ZNF385D: variants seen among roughly 807,000 people sequenced by gnomAD.
The protein encoded by ZNF385D is zinc finger protein 659.
In ZNF385D, 15 loss-of-function variants were observed where a neutral mutation model predicts 35.8. The observed-to-expected ratio is 0.42, with a 90% CI of 0.28 to 0.64. The LOEUF (loss-of-function observed/expected upper bound fraction) is 0.64, where lower values mean the gene tolerates loss of function less well. Ranked by LOEUF, ZNF385D falls within the 30% of genes least tolerant of loss-of-function variation. The pLI is 0.23. For missense variants in ZNF385D, 474 were observed against 494.6 expected (o/e 0.96, Z 0.39); for synonymous variants, 212 against 186.8 (o/e 1.13, Z -1.10).
intron 1 of ZNF385D, among the ~76,000 whole-genome samples, chr3:21,715,279 A>G (rs555270113): frequency 6.6e-6 from 1 of 152,096 alleles, no homozygotes; most frequent in African/African-American, 2.4e-5. Context: ...ATTGTCTATC[A>G]TTCCACTCTC....
intron 1 of ZNF385D, among the ~76,000 whole-genome samples, chr3:21,695,879 T>G (rs924309816): frequency 1.3e-5 from 2 of 152,124 alleles, no homozygotes; most frequent in African/African-American, 4.8e-5. Context: ...ATAAGAATGG[T>G]ATTTAATTCT....
At chr3:21,954,941 C>T (rs1702219637) in intron 3 of ZNF385D, among the ~76,000 whole-genome samples, 1 of 152,100 alleles carries the variant, frequency 6.6e-6, no homozygotes, top group African/African-American at 2.4e-5. Context: ...AGCAAGCAGC[C>T]TGCAAGGCTG....
intron 2 of ZNF385D, among the ~76,000 whole-genome samples, chr3:22,196,508 T>A (rs978855855): frequency 6.6e-6 from 1 of 152,080 alleles, no homozygotes; most frequent in Non-Finnish European, 1.5e-5. Context: ...GACTGAACTA[T>A]TTTGTTTTTA....
chr3:22,285,958 C>T (rs569379722), intron 2 of ZNF385D, among the ~76,000 whole-genome samples: 1 of 152,040 alleles, frequency 6.6e-6, no homozygotes, highest in Non-Finnish European at 1.5e-5. Context: ...ACCTGGTCAC[C>T]TAGGAGTCAA....
At chr3:21,779,162 G>C (rs1229981757) in intron 3 of ZNF385D, among the ~76,000 whole-genome samples, 1 of 151,898 alleles carries the variant, frequency 6.6e-6, no homozygotes, top group African/African-American at 2.4e-5. Context: ...TACTTTCTCA[G>C]CTCCAAAGAC....
chr3:21,780,920 T>C (rs943052937), intron 3 of ZNF385D, among the ~76,000 whole-genome samples: 1 of 152,080 alleles, frequency 6.6e-6, no homozygotes, highest in Non-Finnish European at 1.5e-5. Context: ...GAGGACACGA[T>C]GTGGGCAGGT....
At chr3:22,150,415 G>C (rs1178319413) in intron 3 of ZNF385D, among the ~76,000 whole-genome samples, 6 of 151,722 alleles carry the variant, frequency 4.0e-5, no homozygotes, top group Admixed American at 4.0e-4. Context: ...AAGAAACAAA[G>C]TGTTAGATGC....
chr3:21,459,614 C>CA (rs1159768704), intron 4 of ZNF385D, among the ~76,000 whole-genome samples: 1 of 152,198 alleles, frequency 6.6e-6, no homozygotes, highest in Middle Eastern at 3.2e-3. Flanking sequence ...GCTCTACCCT[C>CA]AATCAGTTCT....
At chr3:22,177,892 T>G (rs1694944469) in intron 2 of ZNF385D, among the ~76,000 whole-genome samples, 1 of 152,194 alleles carries the variant, frequency 6.6e-6, no homozygotes, top group Non-Finnish European at 1.5e-5. Flanking sequence ...CTTCATCCAA[T>G]GTCCCTACAA....
At chr3:22,362,136 G>C (rs1696437938) in intron 2 of ZNF385D, among the ~76,000 whole-genome samples, 1 of 151,400 alleles carries the variant, frequency 6.6e-6, no homozygotes, top group Non-Finnish European at 1.5e-5. Context: ...TTTTGTTAAG[G>C]GCAACTTTTT....
In ZNF385D at chr3:22,123,525, T is replaced by G. The variant is rs113464922; in HGVS notation, c.325+45292A>C. ...TTACAAACTTTCCAATTGTACTCCC[T>G]CAGCTATTCTAAAATGTATATAAAA... On this transcript the variant is annotated intron_variant, in intron 3 of 5. Transcript: ENST00000494108. Among the ~76,000 whole-genome samples, 390 of 152,282 alleles carry G rather than the reference T, an allele frequency of 2.6e-3. 2 individuals are homozygous for G. The highest frequency in any genetic ancestry group is 9.2e-3 in the African/African-American group (381 of 41,568).
At chr3:21,694,605 CAG>C (rs1249422931) in intron 1 of ZNF385D, among the ~76,000 whole-genome samples, 1 of 152,140 alleles carries the variant, frequency 6.6e-6, no homozygotes, top group African/African-American at 2.4e-5. Flanking sequence ...AAAGAGAAAT[CAG>C]AATTATGGTG....
intron 2 of ZNF385D, among the ~76,000 whole-genome samples, chr3:22,169,742 A>C (rs1422769984): frequency 6.6e-6 from 1 of 152,188 alleles, no homozygotes; most frequent in African/African-American, 2.4e-5. Flanking sequence ...TTGTATACTA[A>C]AACCAAAGAG....
At chr3:21,983,627 G>A (rs1440235608) in intron 3 of ZNF385D, among the ~76,000 whole-genome samples, 139 of 131,162 alleles carry the variant, frequency 1.1e-3, no homozygotes, top group Middle Eastern at 4.0e-3. Flanking sequence ...ATAAACATAC[G>A]TGTGCATGTG....
In ZNF385D at chr3:22,300,192, T is replaced by C. The variant is rs369130170; in HGVS notation, c.106+72258A>G. Among the ~76,000 whole-genome samples the C allele has an allele frequency of 3.3e-5, 5 of 151,876 alleles. No homozygotes were observed. In the East Asian group the frequency reaches 7.7e-4, roughly 23 times the overall value. On this transcript the variant is annotated intron_variant, in intron 2 of 5. Transcript: ENST00000494108. Reference sequence around the variant, plus strand: ...GATTTTTGACAAAATGTACCAAGAATGTACAATGGGGAAAGAACAGTCTCA... The same window carrying C: ...GATTTTTGACAAAATGTACCAAGAACGTACAATGGGGAAAGAACAGTCTCA...
chr3:22,330,516 C>T (rs62247274), intron 2 of ZNF385D, among the ~76,000 whole-genome samples: 20,285 of 152,040 alleles, frequency 0.13, 1,843 homozygotes, highest in Non-Finnish European at 0.18. Context: ...TTTTGTATCC[C>T]TGGTATCCTT....
intron 3 of ZNF385D, among the ~76,000 whole-genome samples, chr3:22,015,309 T>G (rs1005936810): frequency 6.6e-6 from 1 of 152,170 alleles, no homozygotes; most frequent in Non-Finnish European, 1.5e-5. Flanking sequence ...AACATGCGCA[T>G]TGCACTATGA....
At chr3:22,183,173 A>G (rs1695398245) in intron 2 of ZNF385D, among the ~76,000 whole-genome samples, 1 of 152,282 alleles carries the variant, frequency 6.6e-6, no homozygotes. Flanking sequence ...ATGAATAGTT[A>G]AGTTTACATA....
intron 2 of ZNF385D, among the ~76,000 whole-genome samples, chr3:22,328,901 C>A (rs1694801274): frequency 6.6e-6 from 1 of 151,592 alleles, no homozygotes; most frequent in Non-Finnish European, 1.5e-5. Flanking sequence ...CGGTGAAACC[C>A]CGTCTCTACT....
Sources: allele counts gnomAD v4.1 joint callset (sites outside exome capture counted in the v4.1 genomes callset), GRCh38; gene constraint gnomAD v4.1.1; transcripts MANE v1.5; gene names NCBI Gene and HGNC (gene_info 2026-07-23, HGNC 2026-07-21).